SPAG9: variants seen among roughly 807,000 people sequenced by gnomAD.
SPAG9 encodes C-Jun-amino-terminal kinase-interacting protein 4.
SPAG9 carries 35 observed loss-of-function variants against 166.5 expected under a neutral mutation model. The ratio of observed to expected loss-of-function variants is 0.21; its 90% confidence interval spans 0.16 to 0.28. SPAG9 has a LOEUF of 0.28. Among genes scored for constraint, SPAG9 ranks in the 10% least tolerant of loss-of-function variants. SPAG9 has a pLI of 1.00. For synonymous variants in SPAG9, 534 were observed against 565.5 expected, an observed-to-expected ratio of 0.94 and a Z score of 0.79; for missense variants, 1,235 against 1,603.3, an observed-to-expected ratio of 0.77 and a Z score of 3.92.
chr17:50,990,331 A>C (rs1975436256), intron 20 of SPAG9, 119 bp downstream of exon 20: 2 of 825,040 alleles, frequency 2.4e-6, no homozygotes, highest in Non-Finnish European at 2.0e-6. Flanking sequence ...CCCGGCCTAC[A>C]GTATCTTCTT....
intron 5 of SPAG9, among the ~76,000 whole-genome samples, chr17:51,032,977 T>C (rs908575735): frequency 4.6e-5 from 7 of 150,964 alleles, no homozygotes; most frequent in African/African-American, 1.7e-4. Flanking sequence ...TAACAAGGCA[T>C]GATTCACTTT....
At chr17:51,054,022 C>CCTTA (rs2047284743) in intron 3 of SPAG9, among the ~76,000 whole-genome samples, 1 of 148,048 alleles carries the variant, frequency 6.8e-6, no homozygotes, top group Non-Finnish European at 1.5e-5. Context: ...CTTTTAGCAA[C>CCTTA]CTTAATATCT....
At chr17:51,084,563 C>G (rs567157755) in intron 1 of SPAG9, among the ~76,000 whole-genome samples, 2 of 152,096 alleles carry the variant, frequency 1.3e-5, no homozygotes, top group Non-Finnish European at 2.9e-5. Context: ...TGGGCTACCA[C>G]GCCCAGCTAA....
At chr17:51,034,503 C>G (rs1190053168) in intron 5 of SPAG9, among the ~76,000 whole-genome samples, 1 of 152,056 alleles carries the variant, frequency 6.6e-6, no homozygotes, top group Admixed American at 6.6e-5. Flanking sequence ...AGGAGCCAAC[C>G]TGAAAGAGCT....
intron 1 of SPAG9, among the ~76,000 whole-genome samples, chr17:51,114,864 A>T (rs1598208182): frequency 6.6e-6 from 1 of 151,828 alleles, no homozygotes; most frequent in African/African-American, 2.4e-5. Flanking sequence ...AGGCAGGAGA[A>T]TTGCTTGAAC....
At chr17:51,087,651 A>G (rs1026205119) in intron 1 of SPAG9, among the ~76,000 whole-genome samples, 3 of 152,210 alleles carry the variant, frequency 2.0e-5, no homozygotes, top group Admixed American at 2.0e-4. Flanking sequence ...CTGGTAGCAC[A>G]TGAGTTCTGC....
At chr17:51,114,489 G>A (rs2049223687) in intron 1 of SPAG9, among the ~76,000 whole-genome samples, 1 of 152,088 alleles carries the variant, frequency 6.6e-6, no homozygotes, top group Non-Finnish European at 1.5e-5. Context: ...AAGTAGCTGG[G>A]CATGGTGGCT....
rs35339612 is a variant in SPAG9 at position 51,026,674 on chromosome 17, CTTT to C, written c.783+5004_783+5006del. The stretch of plus-strand genomic sequence containing the variant: ...GGTTGAGCCCTTTTCTTTTTCTTTT[CTTT>C]TTTTTTTTTTTTTTTGAGACGAAGT... On this transcript the variant is annotated intron_variant, in intron 6 of 29. Transcript: ENST00000262013. 8.5e-3 allele frequency among the ~76,000 whole-genome samples: 1,060 copies of C among 124,178 alleles called. 12 individuals carry two copies. The highest frequency in any genetic ancestry group is 0.029 in the African/African-American group (1,021 of 34,618). The allele number at this position is 124,178 out of a possible 152,430, so 81.5% of individuals were successfully genotyped here.
intron 28 of SPAG9, among the ~76,000 whole-genome samples, chr17:50,971,554 G>A (rs1973819224): frequency 8.0e-6 from 1 of 125,010 alleles, no homozygotes; most frequent in African/African-American, 3.0e-5. Flanking sequence ...TGCAACCTCC[G>A]CCTCCCGGGT....
intron 1 of SPAG9, among the ~76,000 whole-genome samples, chr17:51,104,585 G>C (rs536777752): frequency 6.6e-6 from 1 of 152,096 alleles, no homozygotes; most frequent in South Asian, 2.1e-4. Flanking sequence ...ATGGCGAGGC[G>C]AGTTCACACC....
At chr17:50,971,337 CAAA>C (rs1411349765) in intron 28 of SPAG9, among the ~76,000 whole-genome samples, 2 of 148,256 alleles carry the variant, frequency 1.3e-5, no homozygotes, top group Admixed American at 1.3e-4. Flanking sequence ...AACAAACAAA[CAAA>C]CAAAACCCAA....
At chr17:51,041,756 C>T in intron 4 of SPAG9, 105 bp from the exon 5 acceptor site, 1 of 1,042,712 alleles carries the variant, frequency 9.6e-7, no homozygotes, top group Non-Finnish European at 1.4e-6. Context: ...ACAACCATCA[C>T]TCAAAAATGA....
At chr17:50,980,361 T>C (rs1297748916) in intron 25 of SPAG9, among the ~76,000 whole-genome samples, 1 of 151,914 alleles carries the variant, frequency 6.6e-6, no homozygotes, top group Non-Finnish European at 1.5e-5. Flanking sequence ...CACACCACCA[T>C]GCCGGACTAA....
chr17:51,026,574 G>A (rs2046181819), intron 6 of SPAG9, among the ~76,000 whole-genome samples: 1 of 151,568 alleles, frequency 6.6e-6, no homozygotes, highest in Non-Finnish European at 1.5e-5. Context: ...AGCCCAATGT[G>A]TGGGCTATAT....
chr17:51,067,842 C>A (rs985350337), intron 2 of SPAG9, among the ~76,000 whole-genome samples: 1 of 152,168 alleles, frequency 6.6e-6, no homozygotes, highest in African/African-American at 2.4e-5. Flanking sequence ...TCATTTTGAG[C>A]GCTCTTTCTA....
intron 2 of SPAG9, among the ~76,000 whole-genome samples, chr17:51,063,147 G>A (rs949743152): frequency 3.0e-4 from 46 of 152,126 alleles, no homozygotes; most frequent in African/African-American, 1.0e-3. Context: ...AGTGGCTCAC[G>A]CCTGTAATCC....
intron 6 of SPAG9, 124 bp downstream of exon 6, chr17:51,031,557 T>C: frequency 2.7e-6 from 2 of 731,938 alleles, no homozygotes; most frequent in Non-Finnish European, 4.7e-6. Context: ...TATATTTCAG[T>C]GAATTACAAC....
intron 1 of SPAG9, among the ~76,000 whole-genome samples, chr17:51,086,783 G>A (rs760761395): frequency 1.2e-4 from 18 of 152,052 alleles, no homozygotes; most frequent in Non-Finnish European, 2.2e-4. Context: ...TTAGCTGGGC[G>A]TGGTGGCAGG....
intron 26 of SPAG9, among the ~76,000 whole-genome samples, chr17:50,977,578 C>G (rs1034684403): frequency 4.6e-5 from 7 of 152,108 alleles, no homozygotes; most frequent in Non-Finnish European, 8.8e-5. Context: ...TAAAACCAAA[C>G]CAACACATAA....
Sources: gnomAD v4.1 joint callset for allele counts (sites outside exome capture counted in the v4.1 genomes callset) on GRCh38, gnomAD v4.1.1 for gene constraint, MANE v1.5 for transcripts, NCBI Gene and HGNC (gene_info 2026-07-23, HGNC 2026-07-21) for gene names.